ATG2B: variants seen among roughly 807,000 people sequenced by gnomAD.
The protein encoded by ATG2B is autophagy related 2B.
In ATG2B, 121 loss-of-function variants were observed where a neutral mutation model predicts 241.3. The observed-to-expected ratio is 0.50, with a 90% confidence interval of 0.43 to 0.58. The LOEUF is 0.58. Among genes scored for constraint, ATG2B ranks in the 20% least tolerant of loss-of-function variants. The pLI is 0.00. For synonymous variants in ATG2B, 858 were observed against 876.6 expected (o/e 0.98, Z 0.37); for missense variants, 2,306 against 2,491.6 (o/e 0.93, Z 1.59).
intron 41 of ATG2B, among the ~76,000 whole-genome samples, chr14:96,286,907 C>T (rs113827086): frequency 1.3e-5 from 2 of 152,022 alleles, no homozygotes; most frequent in African/African-American, 4.8e-5. Flanking sequence ...TTAACAAGAG[C>T]GTCCTATCTA....
At chr14:96,286,190 G>A (rs979298290) in intron 41 of ATG2B, among the ~76,000 whole-genome samples, 5 of 151,952 alleles carry the variant, frequency 3.3e-5, no homozygotes, top group Non-Finnish European at 5.9e-5. Flanking sequence ...AGGCAATTAT[G>A]ACTTAGTATT....
chr14:96,349,923 C>T (rs1202362646), intron 1 of ATG2B, among the ~76,000 whole-genome samples: 1 of 152,084 alleles, frequency 6.6e-6, no homozygotes, highest in East Asian at 1.9e-4. Context: ...ACTGGGAAGC[C>T]AAGGCGGGAG....
rs73363245 is a variant in ATG2B, at chr14:96,312,083, T to A, written c.3913+6A>T. 1.0e-3 allele frequency: 1,600 copies of A among 1,602,920 alleles called. 19 individuals carry two copies. The African/African-American group carries it at 0.02, about 20-fold the overall frequency. ...TTATCTACTCCATTTGTTTTTTAAC[T>A]CTTACCTCTACTCAGATTTATAGTG... is the stretch of plus-strand genomic sequence containing the variant. On this transcript the variant is annotated splice_donor_region_variant and intron_variant, in intron 26 of 41. Coordinates refer to ENST00000359933, the MANE Select transcript of ATG2B (RefSeq NM_018036.7).
intron 29 of ATG2B, among the ~76,000 whole-genome samples, chr14:96,308,923 T>G (rs904921846): frequency 1.3e-5 from 2 of 152,202 alleles, no homozygotes; most frequent in Admixed American, 6.5e-5. Flanking sequence ...AGAGAACTTT[T>G]GTTTCAGTAA....
At chr14:96,315,612 TAAC>T in intron 21 of ATG2B, 29 bp from the exon 22 acceptor site, 1 of 1,554,072 alleles carries the variant, frequency 6.4e-7, no homozygotes, top group Non-Finnish European at 8.8e-7. Flanking sequence ...GTAAAAATAG[TAAC>T]AAAATGATTA....
At position 96,311,912 on chromosome 14, in the gene ATG2B, T is replaced by C. The variant is rs7359068; in HGVS notation, c.3913+177A>G. Among the ~76,000 whole-genome samples the C allele has an allele frequency of 0.26, 39,023 of 152,080 alleles. 5,294 individuals are homozygous for C. Among genetic ancestry groups the C allele is most frequent in the Middle Eastern group, 0.29 (84 of 292 alleles). ...AACTGAAAAACCAGTATCTGAAAAA[T>C]GAAGCTGTGAATATATACCACATGA... On this transcript the variant is annotated intron_variant, in intron 26 of 41. Transcript: ENST00000359933.
intron 29 of ATG2B, 147 bp downstream of exon 29, chr14:96,309,306 C>A: frequency 1.0e-6 from 1 of 1,002,588 alleles, no homozygotes; most frequent in Non-Finnish European, 1.4e-6. Flanking sequence ...TTACTAGACA[C>A]TGAGTAGACA....
At chr14:96,323,437 A>G (rs1245585320) in intron 16 of ATG2B, among the ~76,000 whole-genome samples, 2 of 152,338 alleles carry the variant, frequency 1.3e-5, no homozygotes, top group Non-Finnish European at 1.5e-5. Flanking sequence ...ACCCTCAAAG[A>G]GAATAGCTGT....
In ATG2B at chr14:96,317,249, G is replaced by A. The variant is rs766270619; in HGVS notation, c.3106C>T (p.Arg1036Cys). Residue 1036 changes from arginine (R) to cysteine (C), a missense_variant, in exon 20 of 42, where the codon CGC becomes TGC. Arg to Cys is a radical substitution (Grantham distance 180). Transcript: ENST00000359933. The stretch of plus-strand genomic sequence containing the variant: ...TGAGAGTCTAATTTTTTTTTCCTGC[G>A]AGAACGATAGTTGGGATCAACAGTG... ...FSTVDPNYRS[R>C]RKKKLDSQNK... 11 of 1,613,194 alleles carry A rather than the reference G, an allele frequency of 6.8e-6. No homozygotes were observed. The Admixed American group carries it at 1.8e-4, about 27-fold the overall frequency.
intron 1 of ATG2B, among the ~76,000 whole-genome samples, chr14:96,358,588 T>G (rs1271000027): frequency 6.6e-6 from 1 of 152,180 alleles, no homozygotes; most frequent in African/African-American, 2.4e-5. Context: ...TTATAACCAC[T>G]TGAGCAAAAT....
chr14:96,317,835 A>G lies in ATG2B; in HGVS notation c.2900T>C (p.Leu967Pro). The G allele has an allele frequency of 1.2e-6, 2 of 1,610,212 alleles. No individual in the cohort carries two copies. The highest frequency in any genetic ancestry group is 1.7e-6 in the Non-Finnish European group (2 of 1,177,820). The stretch of plus-strand genomic sequence containing the variant: ...TGGTGAAGGAGCTGTTGGTTCCCAC[A>G]GTAGCAAGTCATTAAAGATCCTATA... ...LYNRIFNDLL[L>P]WEPTAPSPVE... The change falls in exon 19 of 42, where the codon CTG (leucine) becomes CCG (proline). Residue 967 changes from leucine to proline, a missense_variant. Physicochemically the swap from Leu to Pro is moderately conservative, Grantham distance 98. Around this residue, in one of 2 missense-constraint regions of ATG2B, gnomAD observed 1,927 missense variants for 2,011.2 expected, o/e 0.96. Transcript: ENST00000359933.
Position 96,279,404 on chromosome 14 carries a change from C to CAT in ATG2B, c.*6350_*6351insAT, listed in dbSNP as rs1566707914. 1.3e-4 allele frequency: 19 copies of CAT among 150,746 alleles called. No individual in the cohort carries two copies. The highest frequency in any genetic ancestry group is 4.4e-4 in the African/African-American group (18 of 40,988). 9.3% of individuals were successfully genotyped at this position (150,746 alleles called of 1,614,324 possible). A position where few individuals can be genotyped will look rare whatever the true frequency, so the allele number is the denominator to read the frequency against. On this transcript the variant is annotated 3_prime_UTR_variant, in exon 42 of 42. Coordinates refer to ENST00000359933, the MANE Select transcript of ATG2B (RefSeq NM_018036.7). ...CTAGATGACCACTCGGGTTCACTCA[C>CAT]TCATTCATTCATTCATTCACTCATT...
intron 11 of ATG2B, among the ~76,000 whole-genome samples, chr14:96,330,048 T>TG (rs1257665157): frequency 1.6e-5 from 2 of 124,104 alleles, no homozygotes; most frequent in African/African-American, 3.3e-5. Context: ...TTGTCAAAAA[T>TG]GGGAAAAAAA....
Position 96,344,711 on chromosome 14 carries a change from A to C in ATG2B, c.524T>G (p.Ile175Ser). 1 of 1,606,702 alleles carries C rather than the reference A, an allele frequency of 6.2e-7. No homozygotes were observed. Residue 175 changes from isoleucine to serine, a missense_variant, in exon 4 of 42, where the codon ATT becomes AGT. By Grantham distance (142) the Ile-to-Ser change is moderately radical (BLOSUM62 -2). Transcript: ENST00000359933. ...TTTGGAATTTTCTGGCACATGTTCA[A>C]TTCTCAAAACAGTATCTATAAAAGT... ...KVTFIDTVLR[I>S]EHVPENSKTG...
chr14:96,349,846 G>A (rs958525353), intron 1 of ATG2B, among the ~76,000 whole-genome samples: 3 of 152,132 alleles, frequency 2.0e-5, no homozygotes, highest in African/African-American at 7.2e-5. Flanking sequence ...CTGGGTGGGA[G>A]ATACAGATTA....
chr14:96,344,116 A>G (rs961534836), intron 4 of ATG2B, among the ~76,000 whole-genome samples: 1 of 152,262 alleles, frequency 6.6e-6, no homozygotes, highest in African/African-American at 2.4e-5. Context: ...AGCTATGTAT[A>G]AGAGCTTCAA....
chr14:96,321,022 G>T (rs1887443724), intron 18 of ATG2B, among the ~76,000 whole-genome samples: 1 of 152,004 alleles, frequency 6.6e-6, no homozygotes, highest in Non-Finnish European at 1.5e-5. Flanking sequence ...TATTTTTAAA[G>T]TTAAACGTAA....
intron 17 of ATG2B, 133 bp downstream of exon 17, chr14:96,322,404 GTAT>G: frequency 7.9e-7 from 1 of 1,270,580 alleles, no homozygotes; most frequent in Non-Finnish European, 1.1e-6. Context: ...GAAAAAATAG[GTAT>G]TATTCAATTT....
intron 2 of ATG2B, among the ~76,000 whole-genome samples, chr14:96,346,756 T>C (rs1566734075): frequency 6.6e-6 from 1 of 152,212 alleles, no homozygotes; most frequent in South Asian, 2.1e-4. Context: ...TCATGTGTTA[T>C]AAACCATTAT....
Sources: gnomAD v4.1 joint callset for allele counts (sites outside exome capture counted in the v4.1 genomes callset) on GRCh38, gnomAD v4.1.1 for gene constraint, gnomAD v4.1.1 regional missense constraint, MANE v1.5 for transcripts, NCBI Gene and HGNC (gene_info 2026-07-23, HGNC 2026-07-21) for gene names.